The following SYNE1 variants were observed in gnomAD, a reference collection of about 807,000 sequenced individuals.
SYNE1 encodes the protein spectrin repeat containing nuclear envelope protein 1, also known as nesprin-1.
SYNE1 carries 616 observed loss-of-function variants against 1,111.0 expected under a neutral mutation model. That is an observed-to-expected ratio of 0.55 (90% CI 0.52 to 0.59). The LOEUF is 0.59. Ranked by LOEUF, SYNE1 falls within the 20% of genes least tolerant of loss-of-function variation. The pLI is 0.00. For missense variants in SYNE1, 10,006 were observed against 10,417.0 expected (o/e 0.96, Z 1.72); for synonymous variants, 3,855 against 3,825.8 (o/e 1.01, Z -0.28).
chr6:152,384,124 G>A (rs975566503), intron 55 of SYNE1, among the ~76,000 whole-genome samples: 1 of 152,164 alleles, frequency 6.6e-6, no homozygotes, highest in Admixed American at 6.5e-5. Context: ...TTATCAGACA[G>A]GTACTATTTT....
chr6:152,122,211 A>C lies in SYNE1; in HGVS notation c.*225T>G. On this transcript the variant is annotated 3_prime_UTR_variant, in exon 146 of 146. Transcript: ENST00000367255. ...CTTAGTGCTAAGGTTCAGAGTCTCA[A>C]ACCAGATTTCTTCCAAACCTTCTTG... 3.0e-6 allele frequency: 2 copies of C among 672,042 alleles called. No homozygotes were observed. Among genetic ancestry groups the C allele is most frequent in the South Asian group, 1.8e-5 (1 of 54,264 alleles). The allele number at this position is 672,042 out of a possible 1,614,324, so 41.6% of individuals were successfully genotyped here.
chr6:152,302,293 G>T (rs1488434974), intron 91 of SYNE1: 5 of 609,748 alleles, frequency 8.2e-6, no homozygotes, highest in Non-Finnish European at 1.5e-5. Flanking sequence ...TCCCCGCGTC[G>T]GTACAAAAGG....
At chr6:152,436,871 A>G (rs1329792822) in intron 32 of SYNE1, among the ~76,000 whole-genome samples, 14 of 152,230 alleles carry the variant, frequency 9.2e-5, no homozygotes, top group Non-Finnish European at 2.9e-5. Flanking sequence ...AAAAGAGACT[A>G]TCAATGATCT....
At chr6:152,528,573 T>A (rs1332998173) in intron 4 of SYNE1, among the ~76,000 whole-genome samples, 1 of 152,172 alleles carries the variant, frequency 6.6e-6, no homozygotes, top group Non-Finnish European at 1.5e-5. Context: ...ACCACCAATA[T>A]GGTGACTTTG....
intron 3 of SYNE1, among the ~76,000 whole-genome samples, chr6:152,586,566 A>G (rs931402099): frequency 6.6e-6 from 1 of 151,966 alleles, no homozygotes; most frequent in Non-Finnish European, 1.5e-5. Flanking sequence ...TTTGTACCCA[A>G]TTATATTGGC....
intron 22 of SYNE1, among the ~76,000 whole-genome samples, chr6:152,458,309 C>T (rs1228181940): frequency 3.3e-5 from 5 of 152,266 alleles, no homozygotes; most frequent in African/African-American, 9.6e-5. Context: ...CCTTATTTCA[C>T]AGAGACATTG....
chr6:152,571,991 T>C (rs1352636435), intron 3 of SYNE1, among the ~76,000 whole-genome samples: 1 of 152,158 alleles, frequency 6.6e-6, no homozygotes, highest in Admixed American at 6.5e-5. Flanking sequence ...ATAACAAAAC[T>C]CTAGTCACTT....
In SYNE1 at chr6:152,132,200, C is replaced by G; in HGVS notation, c.26016G>C (p.Trp8672Cys). The change falls in exon 144 of 146, where the codon TGG (tryptophan) becomes TGC (cysteine). Residue 8672 changes from tryptophan (W) to cysteine (C), a missense_variant. Trp to Cys is a radical substitution (Grantham distance 215). Transcript: ENST00000367255. ...AGGTGTCCAGTTCATCAGCAGAAGA[C>G]CAGGAAGACAAATCCTATGTGGGAG... ...VSSSQQDLSS[W>C]SSADELDTSG... The G allele has an allele frequency of 6.2e-7, 1 of 1,614,076 alleles. No homozygotes were observed. The highest frequency in any genetic ancestry group is 2.2e-5 in the East Asian group (1 of 44,868).
intron 12 of SYNE1, among the ~76,000 whole-genome samples, chr6:152,485,939 G>A (rs914618182): frequency 6.6e-6 from 1 of 152,172 alleles, no homozygotes; most frequent in African/African-American, 2.4e-5. Context: ...GCTCACACCT[G>A]TAACCCCAGC....
At chr6:152,481,878 T>C (rs879599179) in intron 14 of SYNE1, among the ~76,000 whole-genome samples, 2 of 151,472 alleles carry the variant, frequency 1.3e-5, no homozygotes, top group Non-Finnish European at 2.9e-5. Context: ...CCGCTTTTAT[T>C]TGTGAGTATC....
chr6:152,474,455 T>C (rs6557229), intron 14 of SYNE1, among the ~76,000 whole-genome samples: 74,348 of 151,582 alleles, frequency 0.49, 20,140 homozygotes, highest in East Asian at 0.75. Flanking sequence ...GATTGAGTCT[T>C]ACAATGTGAA....
Position 152,450,578 on chromosome 6 carries a change from G to T in SYNE1, c.3395+47C>A, listed in dbSNP as rs563610919. On this transcript the variant is annotated intron_variant, in intron 27 of 145. Transcript: ENST00000367255. ...TTTTGTCATGATCTCCGAACTAACA[G>T]AATTAAGTTTGACTACACCCCTCTC... 264 of 1,472,476 alleles carry T rather than the reference G, an allele frequency of 1.8e-4. 5 individuals are homozygous for T. In the South Asian group the frequency reaches 2.8e-3, roughly 16 times the overall value. The allele number at this position is 1,472,476 out of a possible 1,614,324, so 91.2% of individuals were successfully genotyped here.
At chr6:152,443,022 T>C (rs138274500) in intron 30 of SYNE1, among the ~76,000 whole-genome samples, 186 of 152,218 alleles carry the variant, frequency 1.2e-3, no homozygotes, top group East Asian at 1.5e-3. Flanking sequence ...TGGGGGGAAA[T>C]TGTCTTAAAG....
chr6:152,123,518 TAAG>T (rs2052200613), intron 145 of SYNE1, among the ~76,000 whole-genome samples: 1 of 152,214 alleles, frequency 6.6e-6, no homozygotes, highest in African/African-American at 2.4e-5. Flanking sequence ...TCAGAACTCT[TAAG>T]AAGGACTGCC....
chr6:152,469,937 C>T (rs1010336133), intron 16 of SYNE1, among the ~76,000 whole-genome samples: 135 of 152,186 alleles, frequency 8.9e-4, no homozygotes, highest in African/African-American at 3.1e-3. Flanking sequence ...GGGAAATGCT[C>T]CATACTCCAC....
intron 3 of SYNE1, among the ~76,000 whole-genome samples, chr6:152,606,809 G>A (rs2099616185): frequency 6.6e-6 from 1 of 150,800 alleles, no homozygotes; most frequent in South Asian, 2.1e-4. Flanking sequence ...CACCACGCCC[G>A]GCTAAATTTT....
intron 3 of SYNE1, among the ~76,000 whole-genome samples, chr6:152,615,561 C>T (rs2099643669): frequency 6.6e-6 from 1 of 152,026 alleles, no homozygotes; most frequent in South Asian, 2.1e-4. Flanking sequence ...CATTTTATCA[C>T]ACAGTTGAGA....
chr6:152,566,418 T>TA (rs140609764), intron 3 of SYNE1, among the ~76,000 whole-genome samples: 2 of 150,284 alleles, frequency 1.3e-5, no homozygotes, highest in Non-Finnish European at 3.0e-5. Flanking sequence ...AAATCCACAT[T>TA]AAAAAAAAAT....
intron 74 of SYNE1, among the ~76,000 whole-genome samples, chr6:152,340,360 T>C (rs2096506905): frequency 6.6e-6 from 1 of 152,140 alleles, no homozygotes; most frequent in African/African-American, 2.4e-5. Context: ...TACATCCCAA[T>C]TTGCTGGGTT....
Sources: gnomAD v4.1 joint callset for allele counts (sites outside exome capture counted in the v4.1 genomes callset) on GRCh38, gnomAD v4.1.1 for gene constraint, MANE v1.5 for transcripts, NCBI Gene and HGNC (gene_info 2026-07-23, HGNC 2026-07-21) for gene names.